The following ABCB5 variants were observed in gnomAD, a reference collection of about 807,000 sequenced individuals.
ABCB5 encodes ATP-binding cassette sub-family B member 5.
In ABCB5, 155 loss-of-function variants were observed where a neutral mutation model predicts 144.2. That is an observed-to-expected ratio of 1.08 (90% CI 0.94 to 1.23). ABCB5 has a LOEUF of 1.23. Ranked by LOEUF, ABCB5 falls within the 50% of genes most tolerant of loss-of-function variation. The pLI is 0.00. For missense variants in ABCB5, 1,830 were observed against 1,520.8 expected, an observed-to-expected ratio of 1.20 and a Z score of -3.38; for synonymous variants, 610 against 528.6, an observed-to-expected ratio of 1.15 and a Z score of -2.11.
chr7:20,640,078 G>T (rs958124648), intron 5 of ABCB5, among the ~76,000 whole-genome samples: 2 of 151,454 alleles, frequency 1.3e-5, no homozygotes, highest in African/African-American at 4.9e-5. Context: ...TATTTTATTT[G>T]GTTGTTGCAA....
At position 20,739,114 on chromosome 7, in the gene ABCB5, G is replaced by C. The variant is rs564479090; in HGVS notation, c.2999G>C (p.Ser1000Thr). The change falls in exon 24 of 28, where the codon AGC becomes ACC. Residue 1000 changes from serine to threonine, a missense_variant. Physicochemically the swap from Ser to Thr is moderately conservative, Grantham distance 58. Coordinates refer to ENST00000404938, the MANE Select transcript of ABCB5 (RefSeq NM_001163941.2). ...ALLEKKPNID[S>T]RSQEGKKPDT... ...TTGGAAAAGAAACCAAATATAGACA[G>C]CCGCAGTCAAGAAGGGAAAAAGCCA... 3.9e-5 allele frequency: 63 copies of C among 1,606,018 alleles called. No individual in the cohort carries two copies. The African/African-American group carries it at 8.0e-4, about 20-fold the overall frequency.
chr7:20,628,983 G>A (rs1783971398), intron 4 of ABCB5, 145 bp downstream of exon 4: 9 of 908,706 alleles, frequency 9.9e-6, no homozygotes, highest in Non-Finnish European at 1.4e-5. Flanking sequence ...CTGCCATATT[G>A]CTGGGCACTA....
intron 3 of ABCB5, 122 bp from the exon 4 acceptor site, chr7:20,628,566 C>T (rs955360664): frequency 1.1e-6 from 1 of 918,806 alleles, no homozygotes; most frequent in African/African-American, 1.7e-5. Flanking sequence ...TATTTACCAT[C>T]TTAATGTATA....
intron 20 of ABCB5, among the ~76,000 whole-genome samples, chr7:20,705,297 A>G (rs1786784416): frequency 1.3e-5 from 2 of 152,230 alleles, no homozygotes; most frequent in Admixed American, 1.3e-4. Context: ...CATGACCAGT[A>G]ATATGCATAA....
At chr7:20,625,035 G>C (rs531711381) in intron 2 of ABCB5, among the ~76,000 whole-genome samples, 17 of 152,232 alleles carry the variant, frequency 1.1e-4, no homozygotes, top group African/African-American at 4.1e-4. Flanking sequence ...GTCAATCGGA[G>C]TTAGAAATTA....
chr7:20,661,165 C>G (rs768363501), intron 14 of ABCB5, among the ~76,000 whole-genome samples: 24 of 152,220 alleles, frequency 1.6e-4, no homozygotes, highest in Admixed American at 9.2e-4. Context: ...CTCCCCACCT[C>G]ACTCTAAGTA....
At chr7:20,659,208 G>A (rs1784915430) in intron 14 of ABCB5, 4 of 1,598,956 alleles carry the variant, frequency 2.5e-6, no homozygotes, top group Non-Finnish European at 3.4e-6. Flanking sequence ...ATACCTCAAG[G>A]CCATATGCAG....
intron 20 of ABCB5, among the ~76,000 whole-genome samples, chr7:20,711,778 C>CTCTTTCTTCCTTTCTT (rs1787048727): frequency 2.1e-5 from 1 of 47,110 alleles, no homozygotes; most frequent in Non-Finnish European, 3.6e-5. Context: ...TTCCTTCTTT[C>CTCTTTCTTCCTTTCTT]TCTTTCTTTC....
Position 20,756,962 on chromosome 7 carries a change from T to C in ABCB5, c.*1338T>C, listed in dbSNP as rs966717. The stretch of plus-strand genomic sequence containing the variant: ...CAAAATTAAAACCATTTATATATTA[T>C]GCTGCTTTCTTTAAAATGCAAAATA... On this transcript the variant is annotated 3_prime_UTR_variant, in exon 28 of 28. Coordinates refer to ENST00000404938, the MANE Select transcript of ABCB5 (RefSeq NM_001163941.2). 38,536 of 152,350 alleles carry C rather than the reference T, an allele frequency of 0.25. 6,035 individuals are homozygous for C. The highest frequency in any genetic ancestry group is 0.36 in the Non-Finnish European group (24,244 of 67,988). 9.4% of individuals were successfully genotyped at this position (152,350 alleles called of 1,614,324 possible).
chr7:20,621,171 G>C (rs1470062328), intron 1 of ABCB5, among the ~76,000 whole-genome samples: 1 of 152,106 alleles, frequency 6.6e-6, no homozygotes, highest in Non-Finnish European at 1.5e-5. Context: ...ATTTATGTGA[G>C]ACACCTACAA....
intron 14 of ABCB5, among the ~76,000 whole-genome samples, chr7:20,675,568 G>A (rs761158334): frequency 1.5e-4 from 23 of 152,100 alleles, no homozygotes; most frequent in Admixed American, 1.4e-3. Flanking sequence ...AGAAGTAAAC[G>A]TAGTGGGAAA....
intron 25 of ABCB5, among the ~76,000 whole-genome samples, chr7:20,744,579 T>C (rs528726846): frequency 1.3e-5 from 2 of 151,062 alleles, no homozygotes; most frequent in African/African-American, 4.9e-5. Context: ...TTCATGTGTT[T>C]ATTGCATGCC....
Position 20,666,766 on chromosome 7 carries a change from A to T in ABCB5, c.1707+8090A>T, listed in dbSNP as rs748689805. On this transcript the variant is annotated intron_variant, in intron 14 of 27. Coordinates refer to ENST00000404938, the MANE Select transcript of ABCB5 (RefSeq NM_001163941.2). ...CAATATTGTATTTTCTAGAAAAAAT[A>T]ATACAACAAAGACGTATTGATAATC... is the stretch of plus-strand genomic sequence containing the variant. 9 of 1,598,866 alleles carry T rather than the reference A, an allele frequency of 5.6e-6. No individual in the cohort carries two copies. The African/African-American group carries it at 1.1e-4, about 19-fold the overall frequency.
chr7:20,659,021 C>A, intron 14 of ABCB5: 2 of 1,597,244 alleles, frequency 1.3e-6, no homozygotes, highest in Middle Eastern at 3.3e-4. Context: ...GCTTCTTCTA[C>A]ATACACCTGT....
chr7:20,707,969 A>G (rs945284187), intron 20 of ABCB5, among the ~76,000 whole-genome samples: 1 of 151,732 alleles, frequency 6.6e-6, no homozygotes, highest in South Asian at 2.1e-4. Flanking sequence ...ATGCCCAGCT[A>G]ATTTTTTTTG....
chr7:20,651,655 T>G (rs1177828859), intron 13 of ABCB5, 32 bp downstream of exon 13: 17 of 1,604,930 alleles, frequency 1.1e-5, no homozygotes, highest in Non-Finnish European at 1.5e-5. Context: ...TGTCCTTAGC[T>G]TATGGTGGCA....
intron 14 of ABCB5, among the ~76,000 whole-genome samples, chr7:20,664,459 C>T (rs1785106413): frequency 1.3e-5 from 2 of 152,128 alleles, no homozygotes; most frequent in East Asian, 3.8e-4. Context: ...AAAAGGTCTT[C>T]TAAGACATAA....
intron 20 of ABCB5, among the ~76,000 whole-genome samples, chr7:20,713,992 C>T (rs2128047029): frequency 6.6e-6 from 1 of 152,292 alleles, no homozygotes; most frequent in East Asian, 1.9e-4. Context: ...TGCACTGCCA[C>T]CTGGAAACTC....
intron 23 of ABCB5, among the ~76,000 whole-genome samples, chr7:20,731,000 ATC>A (rs1236873368): frequency 1.3e-5 from 2 of 152,124 alleles, no homozygotes; most frequent in Non-Finnish European, 2.9e-5. Context: ...AAGAATTTTC[ATC>A]TGTTTTCATC....
Sources: gnomAD v4.1 joint callset for allele counts (sites outside exome capture counted in the v4.1 genomes callset) on GRCh38, gnomAD v4.1.1 for gene constraint, MANE v1.5 for transcripts, NCBI Gene and HGNC (gene_info 2026-07-23, HGNC 2026-07-21) for gene names.